Variants in MUC4 observed in about 807,000 individuals in gnomAD.
MUC4 encodes the protein mucin-4.
In MUC4, 202 loss-of-function variants were observed where a neutral mutation model predicts 257.9. The observed-to-expected ratio is 0.78, with a 90% CI of 0.70 to 0.88. The LOEUF (loss-of-function observed/expected upper bound fraction) is 0.88, where lower values mean the gene tolerates loss of function less well. Among genes scored for constraint, MUC4 ranks in the 40% least tolerant of loss-of-function variants. The pLI is 0.00. For synonymous variants in MUC4, 2,351 were observed against 2,757.1 expected, an observed-to-expected ratio of 0.85 and a Z score of 4.62; for missense variants, 5,976 against 6,513.7, an observed-to-expected ratio of 0.92 and a Z score of 2.84.
intron 16 of MUC4, among the ~76,000 whole-genome samples, chr3:195,760,469 GGGT>G (rs1560238623): frequency 4.6e-5 from 7 of 150,760 alleles, no homozygotes; most frequent in African/African-American, 1.5e-4. Flanking sequence ...AGCTGGGAAG[GGGT>G]CCAGCGCTAG....
chr3:195,789,761 A>T lies in MUC4; in HGVS notation c.1819T>A (p.Ser607Thr), dbSNP rs1374602127. Residue 607 changes from serine to threonine, a missense_variant, in exon 2 of 25, where the codon TCC becomes ACC. Coordinates refer to ENST00000463781, the MANE Select transcript of MUC4 (RefSeq NM_018406.7). ...GATGGTGCCGTTGTAATTTGTTGGG[A>T]TGTGTGTCTATCCAGCATAGGTGAA... is the stretch of plus-strand genomic sequence containing the variant. ...SSSPMLDRHT[S>T]QQITTAPSTN... The T allele has an allele frequency of 4.3e-6, 7 of 1,613,652 alleles. No individual in the cohort carries two copies. Among genetic ancestry groups the T allele is most frequent in the Non-Finnish European group, 5.9e-6 (7 of 1,179,834 alleles).
chr3:195,750,855 A>G (rs752882809), intron 23 of MUC4, 34 bp downstream of exon 23: 2 of 1,594,186 alleles, frequency 1.3e-6, no homozygotes, highest in African/African-American at 2.7e-5. Context: ...CCCCGCAGTG[A>G]CCCCCATAGT....
intron 12 of MUC4, among the ~76,000 whole-genome samples, 160 bp downstream of exon 12, chr3:195,763,273 C>G (rs2550262): frequency 6.6e-6 from 1 of 152,108 alleles, no homozygotes; most frequent in African/African-American, 2.4e-5. Flanking sequence ...ATCCACCATC[C>G]CCAGGATTTA....
intron 1 of MUC4, among the ~76,000 whole-genome samples, chr3:195,800,989 C>T (rs1052575913): frequency 1.3e-5 from 2 of 151,990 alleles, no homozygotes; most frequent in African/African-American, 4.8e-5. Context: ...GGTCCGTGGA[C>T]CCCACGTTCA....
In MUC4 at chr3:195,778,311, G is replaced by C. The variant is rs148746017; in HGVS notation, c.12935C>G (p.Pro4312Arg). 6.2e-7 allele frequency: 1 copy of C among 1,610,202 alleles called. No homozygotes were observed. The change falls in exon 3 of 25, where the codon CCT becomes CGT. Residue 4312 changes from proline to arginine, a missense_variant. By Grantham distance (103) the Pro-to-Arg change is moderately radical. Transcript: ENST00000463781. The stretch of plus-strand genomic sequence containing the variant: ...CACCTGTATGGCCTCACCTCTCTCA[G>C]GCAGGATGGGGATGGGGGCAGCTGT... ...RSTAAPIPIL[P>R]ERGVSLFPYG...
Position 195,790,748 on chromosome 3 carries a change from C to T in MUC4, c.832G>A (p.Gly278Arg), listed in dbSNP as rs1560402585. The change falls in exon 2 of 25, where the codon GGG (glycine) becomes AGG (arginine). Residue 278 changes from glycine to arginine, a missense_variant. Coordinates refer to ENST00000463781, the MANE Select transcript of MUC4 (RefSeq NM_018406.7). ...GTAACAGGTACTGATGATGTCTCCC[C>T]TGGGTTTCCAAGAGTGGAGCCTGTG... is the stretch of plus-strand genomic sequence containing the variant. Reference protein sequence around the residue: ...TSTGSTLGNPGETSSVPVTGS... With the variant: ...TSTGSTLGNPRETSSVPVTGS... 6.2e-7 allele frequency: 1 copy of T among 1,613,974 alleles called. No homozygotes were observed. Among genetic ancestry groups the T allele is most frequent in the East Asian group, 2.2e-5 (1 of 44,880 alleles).
chr3:195,756,311 A>G (rs1306175111), intron 18 of MUC4, among the ~76,000 whole-genome samples: 1 of 152,188 alleles, frequency 6.6e-6, no homozygotes, highest in African/African-American at 2.4e-5. Context: ...GCTGTGATGG[A>G]AACCTGTGTG....
rs1416457615 is a variant in MUC4 at position 195,783,139 on chromosome 3, G to T, written c.8441C>A (p.Ala2814Asp). 20 of 1,329,284 alleles carry T rather than the reference G, an allele frequency of 1.5e-5. No homozygotes were observed. The East Asian group carries it at 5.6e-4, about 37-fold the overall frequency. 82.3% of individuals were successfully genotyped at this position (1,329,284 alleles called of 1,614,324 possible). Residue 2814 changes from alanine to aspartate, a missense_variant, in exon 2 of 25, where the codon GCC becomes GAC. Coordinates refer to ENST00000463781, the MANE Select transcript of MUC4 (RefSeq NM_018406.7). ...TDASSVSTGH[A>D]TSLPVTDASS... Reference sequence around the variant, plus strand: ...AGCGTCGGTGACAGGAAGAGAGGTGGCGTGACCTGTGGACACTGACGAAGC... The same window carrying T: ...AGCGTCGGTGACAGGAAGAGAGGTGTCGTGACCTGTGGACACTGACGAAGC...
intron 1 of MUC4, among the ~76,000 whole-genome samples, chr3:195,807,908 C>G (rs1434873960): frequency 2.0e-5 from 3 of 152,270 alleles, no homozygotes; most frequent in African/African-American, 7.2e-5. Context: ...AGGCCAGCCT[C>G]TGCCTCCACG....
At chr3:195,750,006 C>T (rs1221429816) in intron 23 of MUC4, 1 of 152,266 alleles carries the variant, frequency 6.6e-6, no homozygotes. Flanking sequence ...CCCCAACATA[C>T]AGTAGTTCTG....
intron 7 of MUC4, among the ~76,000 whole-genome samples, chr3:195,767,859 CCCCCAA>C (rs1721771594): frequency 2.1e-5 from 3 of 142,192 alleles, no homozygotes; most frequent in African/African-American, 5.5e-5. Flanking sequence ...GCCACCATCA[CCCCCAA>C]CACCACCACC....
chr3:195,759,765 C>T (rs1442781783), intron 16 of MUC4, among the ~76,000 whole-genome samples: 1 of 152,076 alleles, frequency 6.6e-6, no homozygotes, highest in Admixed American at 6.6e-5. Context: ...ACTAAAAATA[C>T]AAAATTAGTC....
chr3:195,779,615 C>CCT lies in MUC4; in HGVS notation c.11964_11965insAG (p.Asp3989ArgfsTer271). The CCT allele has an allele frequency of 1.2e-6, 1 of 842,680 alleles. No homozygotes were observed. Among genetic ancestry groups the CCT allele is most frequent in the African/African-American group, 4.5e-5 (1 of 22,346 alleles). 52.2% of individuals were successfully genotyped at this position (842,680 alleles called of 1,614,324 possible). On this transcript the variant is annotated frameshift_variant, in exon 2 of 25. Transcript: ENST00000463781. LOFTEE classifies it high-confidence loss of function. ...TGACCTGTGGATACTGAGGAAGTGT[C>CCT]GGTGACAGGAAGGGGGGTGGCGTGA...
In MUC4 at chr3:195,786,912, G is replaced by C; in HGVS notation, c.4668C>G (p.Thr1556=). ...STGDTTPLPV[T]DASSVSTGHT... ...GACCTGTGGATACTGAGGAAGCGTC[G>C]GTGACAGGAAGAGGGGTGGTGTCAC... The change falls in exon 2 of 25, where the codon ACC becomes ACG. Residue 1556 remains threonine, a synonymous_variant. Transcript: ENST00000463781. 1 of 1,487,398 alleles carries C rather than the reference G, an allele frequency of 6.7e-7. No homozygotes were observed. The highest frequency in any genetic ancestry group is 9.1e-7 in the Non-Finnish European group (1 of 1,103,232). The allele number at this position is 1,487,398 out of a possible 1,614,324, so 92.1% of individuals were successfully genotyped here.
At position 195,767,747 on chromosome 3, in the gene MUC4, G is replaced by A. The variant is rs1159705355; in HGVS notation, c.13530-996C>T. The stretch of plus-strand genomic sequence containing the variant: ...CACCATCACCACCACCATCACCATC[G>A]CCACCACCACCATCACCACCACCAC... On this transcript the variant is annotated intron_variant, in intron 7 of 24. Transcript: ENST00000463781. 3.5e-3 allele frequency among the ~76,000 whole-genome samples: 16 copies of A among 4,598 alleles called. 1 individual carries two copies. The highest frequency in any genetic ancestry group is 0.012 in the East Asian group (1 of 86). The allele number at this position is 4,598 out of a possible 152,430, so 3.0% of individuals were successfully genotyped here. A position where few individuals can be genotyped will look rare whatever the true frequency, so the allele number is the denominator to read the frequency against.
intron 24 of MUC4, among the ~76,000 whole-genome samples, chr3:195,748,090 G>C (rs1342410502): frequency 4.6e-5 from 7 of 152,202 alleles, no homozygotes; most frequent in African/African-American, 1.7e-4. Context: ...CCGGAGCCCA[G>C]GTCTGCGTGG....
chr3:195,788,187 T>G lies in MUC4; in HGVS notation c.3393A>C (p.Thr1131=), dbSNP rs1482911360. 6.1e-6 allele frequency: 9 copies of G among 1,472,124 alleles called. No individual in the cohort carries two copies. In the African/African-American group the frequency reaches 1.3e-4, roughly 21 times the overall value. The allele number at this position is 1,472,124 out of a possible 1,614,324, so 91.2% of individuals were successfully genotyped here. ...LPVTDTSSAS[T]GHATSLPVTD... is the part of the protein sequence containing the mutation. Reference sequence around the variant, plus strand: ...TGACAGGAAGAGAGGTGGCGTGACCTGTGGATGCTGAGGAAGTGTCGGTGA... The same window carrying G: ...TGACAGGAAGAGAGGTGGCGTGACCGGTGGATGCTGAGGAAGTGTCGGTGA... Residue 1131 remains threonine, a synonymous_variant, in exon 2 of 25, where the codon ACA becomes ACC. Coordinates refer to ENST00000463781, the MANE Select transcript of MUC4 (RefSeq NM_018406.7).
intron 1 of MUC4, among the ~76,000 whole-genome samples, chr3:195,797,177 G>A (rs1734678522): frequency 6.6e-6 from 1 of 152,072 alleles, no homozygotes. Context: ...GCTGAGGCAC[G>A]AGAATTGCTT....
chr3:195,785,677 G>T lies in MUC4; in HGVS notation c.5903C>A (p.Ser1968Tyr). ...ASSVPTGHAT[S>Y]LPVTDASSVS... ...TGAGGAAGCGTCGGTGACAGGAAGA[G>T]AGGTGGCGTGACCTGTGGGTACTGA... The change falls in exon 2 of 25, where the codon TCT (serine) becomes TAT (tyrosine). Residue 1968 changes from serine (S) to tyrosine (Y), a missense_variant. By Grantham distance (144) the Ser-to-Tyr change is moderately radical (BLOSUM62 -2). Around this residue, in one of 44 missense-constraint regions of MUC4, gnomAD observed 87 missense variants for 104.6 expected, o/e 0.83. Transcript: ENST00000463781. 1 of 1,508,298 alleles carries T rather than the reference G, an allele frequency of 6.6e-7. No homozygotes were observed. The highest frequency in any genetic ancestry group is 8.9e-7 in the Non-Finnish European group (1 of 1,121,328). The allele number at this position is 1,508,298 out of a possible 1,614,324, so 93.4% of individuals were successfully genotyped here.
Sources: allele counts gnomAD v4.1 joint callset (sites outside exome capture counted in the v4.1 genomes callset), GRCh38; gene constraint gnomAD v4.1.1; regional missense constraint gnomAD v4.1.1; transcripts MANE v1.5; gene names NCBI Gene and HGNC (gene_info 2026-07-23, HGNC 2026-07-21).